Variants in SLC4A10 observed in about 807,000 individuals in gnomAD.
SLC4A10 encodes the protein solute carrier family 4 member 10.
Under a neutral mutation model 137.7 loss-of-function variants are expected in SLC4A10, and 42 were observed. The observed-to-expected ratio is 0.30, with a 90% CI of 0.24 to 0.39. The LOEUF is 0.39. Among genes scored for constraint, SLC4A10 ranks in the 10% least tolerant of loss-of-function variants. The pLI is 1.00. For missense variants in SLC4A10, 925 were observed against 1,355.0 expected, an observed-to-expected ratio of 0.68 and a Z score of 4.98; for synonymous variants, 474 against 464.1, an observed-to-expected ratio of 1.02 and a Z score of -0.27.
intron 1 of SLC4A10, among the ~76,000 whole-genome samples, chr2:161,638,889 A>G (rs62188961): frequency 0.075 from 11,414 of 151,856 alleles, 550 homozygotes; most frequent in East Asian, 0.14. Context: ...AAAAAGACAA[A>G]TTTTGAGCTA....
At chr2:161,848,545 G>T (rs1710510) in intron 4 of SLC4A10, among the ~76,000 whole-genome samples, 9,062 of 152,108 alleles carry the variant, frequency 0.06, 442 homozygotes, top group African/African-American at 0.14. Context: ...TTCATCTTGA[G>T]TTGACTTTTG....
chr2:161,682,291 C>T (rs1305334523), intron 1 of SLC4A10, among the ~76,000 whole-genome samples: 2 of 152,090 alleles, frequency 1.3e-5, no homozygotes, highest in African/African-American at 4.8e-5. Flanking sequence ...ACTTGCTTGC[C>T]TGTGGAACTA....
At chr2:161,662,466 G>GT (rs1236149030) in intron 1 of SLC4A10, among the ~76,000 whole-genome samples, 17 of 152,050 alleles carry the variant, frequency 1.1e-4, no homozygotes, top group African/African-American at 4.1e-4. Context: ...TAGGTAGCCT[G>GT]TATTACAAAA....
intron 5 of SLC4A10, 86 bp from the exon 6 acceptor site, chr2:161,862,788 C>G: frequency 9.9e-7 from 1 of 1,007,776 alleles, no homozygotes; most frequent in Non-Finnish European, 1.3e-6. Context: ...TTGTTTAGGG[C>G]TTGCATATTT....
intron 15 of SLC4A10, among the ~76,000 whole-genome samples, chr2:161,910,494 A>G (rs769541308): frequency 5.3e-5 from 8 of 152,142 alleles, no homozygotes; most frequent in Non-Finnish European, 1.2e-4. Flanking sequence ...TGCTTGTATA[A>G]GATGAAATGT....
intron 23 of SLC4A10, among the ~76,000 whole-genome samples, chr2:161,968,050 G>T (rs369558708): frequency 4.0e-5 from 6 of 150,288 alleles, no homozygotes; most frequent in Admixed American, 4.0e-4. Flanking sequence ...TACTCATACC[G>T]TGAAACATTC....
chr2:161,882,268 C>A, intron 9 of SLC4A10, 89 bp from the exon 10 acceptor site: 1 of 688,082 alleles, frequency 1.5e-6, no homozygotes, highest in Non-Finnish European at 2.3e-6. Flanking sequence ...TCTCCATTTT[C>A]AGTAATTCCT....
At chr2:161,884,468 C>T (rs1447431894) in intron 10 of SLC4A10, among the ~76,000 whole-genome samples, 1 of 152,166 alleles carries the variant, frequency 6.6e-6, no homozygotes, top group Non-Finnish European at 1.5e-5. Flanking sequence ...AACAGGGAAA[C>T]ATCCATGTTC....
At chr2:161,923,380 T>G (rs1270011300) in intron 15 of SLC4A10, among the ~76,000 whole-genome samples, 1 of 152,192 alleles carries the variant, frequency 6.6e-6, no homozygotes, top group Non-Finnish European at 1.5e-5. Context: ...ATTGTTGGAC[T>G]TTTCAGTCTA....
At chr2:161,912,919 T>C (rs1475958584) in intron 15 of SLC4A10, among the ~76,000 whole-genome samples, 1 of 14,280 alleles carries the variant, frequency 7.0e-5, no homozygotes, top group South Asian at 4.3e-3. Flanking sequence ...ACTGATCCTA[T>C]GTCCAGCTAT....
At chr2:161,873,828 A>G in intron 7 of SLC4A10, 88 bp from the exon 8 acceptor site, 9 of 1,267,620 alleles carry the variant, frequency 7.1e-6, no homozygotes, top group Non-Finnish European at 9.9e-6. Context: ...ATCTAGATCT[A>G]GTTACGTGCA....
chr2:161,625,473 A>T (rs990505745), intron 1 of SLC4A10, among the ~76,000 whole-genome samples: 1 of 152,032 alleles, frequency 6.6e-6, no homozygotes, highest in Admixed American at 6.6e-5. Context: ...GCTTCCAGCC[A>T]TCTATCAGTG....
At chr2:161,718,474 G>A (rs576740209) in intron 1 of SLC4A10, among the ~76,000 whole-genome samples, 5 of 152,270 alleles carry the variant, frequency 3.3e-5, no homozygotes, top group African/African-American at 1.2e-4. Context: ...TGCTTTAGCT[G>A]TGTCCCAGAG....
intron 1 of SLC4A10, chr2:161,708,677 G>A: frequency 1.3e-6 from 2 of 1,502,440 alleles, no homozygotes; most frequent in Non-Finnish European, 8.8e-7. Context: ...TCTGTTGTTT[G>A]ATATTTTTTT....
At chr2:161,948,152 CT>C (rs1694159799) in intron 17 of SLC4A10, among the ~76,000 whole-genome samples, 2 of 152,128 alleles carry the variant, frequency 1.3e-5, no homozygotes, top group African/African-American at 2.4e-5. Context: ...GTCCCTCCCC[CT>C]AACCCACCAC....
intron 1 of SLC4A10, among the ~76,000 whole-genome samples, chr2:161,648,945 T>C (rs2036437002): frequency 6.6e-6 from 1 of 152,192 alleles, no homozygotes; most frequent in Admixed American, 6.5e-5. Flanking sequence ...TCCTGGTAGA[T>C]ATTGAGATCC....
intron 1 of SLC4A10, among the ~76,000 whole-genome samples, chr2:161,690,487 T>C (rs914665917): frequency 6.6e-6 from 1 of 152,134 alleles, no homozygotes; most frequent in African/African-American, 2.4e-5. Context: ...TAAAGATACA[T>C]GAATGCATAT....
At chr2:161,629,072 C>G (rs972799453) in intron 1 of SLC4A10, among the ~76,000 whole-genome samples, 1 of 151,782 alleles carries the variant, frequency 6.6e-6, no homozygotes, top group Non-Finnish European at 1.5e-5. Context: ...TACGATGGCC[C>G]GCAAGTAAAT....
intron 1 of SLC4A10, among the ~76,000 whole-genome samples, chr2:161,656,564 A>G (rs2037561626): frequency 6.6e-6 from 1 of 152,196 alleles, no homozygotes; most frequent in Non-Finnish European, 1.5e-5. Flanking sequence ...TATTCTGAAT[A>G]TGGCTCAACT....
Sources: gnomAD v4.1 joint callset for allele counts (sites outside exome capture counted in the v4.1 genomes callset) on GRCh38, gnomAD v4.1.1 for gene constraint, MANE v1.5 for transcripts, NCBI Gene and HGNC (gene_info 2026-07-23, HGNC 2026-07-21) for gene names.